The following RUBCNL variants were observed in gnomAD, a reference collection of about 807,000 sequenced individuals.
RUBCNL encodes the protein rubicon like autophagy enhancer.
Under a neutral mutation model 69.5 loss-of-function variants are expected in RUBCNL, and 62 were observed. The ratio of observed to expected loss-of-function variants is 0.89; its 90% CI spans 0.73 to 1.10. RUBCNL has a LOEUF of 1.10. RUBCNL is among the 50% of genes least tolerant of loss of function. The probability of loss-of-function intolerance (pLI) is 0.00; values close to 1 mark genes in which losing one functional copy is unlikely to be tolerated. For synonymous variants in RUBCNL, 291 were observed against 303.6 expected (o/e 0.96, Z 0.43); for missense variants, 768 against 798.1 (o/e 0.96, Z 0.45).
intron 5 of RUBCNL, among the ~76,000 whole-genome samples, chr13:46,366,955 G>T (rs2048770416): frequency 6.6e-6 from 1 of 152,150 alleles, no homozygotes; most frequent in South Asian, 2.1e-4. Flanking sequence ...AGATGTCCAG[G>T]ACTGAAAACA....
At position 46,345,572 on chromosome 13, in the gene RUBCNL, C is replaced by T; in HGVS notation, c.1660G>A (p.Gly554Arg). 6.2e-7 allele frequency: 1 copy of T among 1,613,590 alleles called. No individual in the cohort carries two copies. The highest frequency in any genetic ancestry group is 8.5e-7 in the Non-Finnish European group (1 of 1,179,786). The change falls in exon 13 of 15, where the codon GGA (glycine) becomes AGA (arginine). Residue 554 changes from glycine to arginine, a missense_variant. Transcript: ENST00000429979. ...AGGTGGAGCTCATCAGTCAAGTGTC[C>T]CGGCACCTGCTCGAACTCCTTTAAT... ...SALKEFEQVPGHLTDELHLFS... is the reference protein window; with the variant it reads ...SALKEFEQVPRHLTDELHLFS...
chr13:46,362,962 A>ATATATATATATATATATATATC (rs2048663147), intron 6 of RUBCNL, among the ~76,000 whole-genome samples, 153 bp downstream of exon 6: 1 of 94,220 alleles, frequency 1.1e-5, no homozygotes, highest in Non-Finnish European at 2.0e-5. Flanking sequence ...ATATATATAT[A>ATATATATATATATATATATATC]TATATATATA....
Position 46,377,879 on chromosome 13 carries a change from C to A in RUBCNL, c.-123+11G>T. ...GCAGAGAGAAGACAAAAGGCCAGGT[C>A]GGACACTCACCAGGAGTATGAATTT... On this transcript the variant is annotated intron_variant, in intron 2 of 14. Transcript: ENST00000429979. The A allele has an allele frequency of 6.5e-7, 1 of 1,538,764 alleles. No homozygotes were observed. Among genetic ancestry groups the A allele is most frequent in the African/African-American group, 1.4e-5 (1 of 73,488 alleles).
intron 13 of RUBCNL, 105 bp downstream of exon 13, chr13:46,345,342 C>T (rs2048222591): frequency 2.2e-5 from 30 of 1,350,464 alleles, no homozygotes; most frequent in South Asian, 2.0e-4. Flanking sequence ...ACTAGGTCAC[C>T]GGCACTTCCC....
chr13:46,361,369 T>TA, intron 8 of RUBCNL, 72 bp downstream of exon 8: 1 of 1,533,452 alleles, frequency 6.5e-7, no homozygotes, highest in South Asian at 1.2e-5. Flanking sequence ...GACAAATGTT[T>TA]AAAGTGAACA....
intron 3 of RUBCNL, 134 bp downstream of exon 3, chr13:46,371,807 G>T (rs2048880613): frequency 6.8e-6 from 6 of 884,020 alleles, no homozygotes; most frequent in Non-Finnish European, 1.0e-5. Flanking sequence ...TGACCGCCCA[G>T]ATGGCTGGGC....
At position 46,335,883 on chromosome 13, in the gene RUBCNL, C is replaced by G. The variant is rs2048102213; in HGVS notation, c.*7502G>C. Among the ~76,000 whole-genome samples, 1 of 152,198 alleles carries G rather than the reference C, an allele frequency of 6.6e-6. No individual in the cohort carries two copies. Among genetic ancestry groups the G allele is most frequent in the African/African-American group, 2.4e-5 (1 of 41,450 alleles). ...ACAGCTATCAGTGGGCTGCTGAGTA[C>G]CAGCCTCTGGGCTGAAGCTACAAAT... On this transcript the variant is annotated 3_prime_UTR_variant, in exon 15 of 15. Coordinates refer to ENST00000429979, the MANE Select transcript of RUBCNL (RefSeq NM_025113.5).
Position 46,359,362 on chromosome 13 carries a change from T to C in RUBCNL, c.1265+124A>G, listed in dbSNP as rs1429590242. 1.4e-5 allele frequency: 11 copies of C among 791,158 alleles called. No individual in the cohort carries two copies. In the Admixed American group the frequency reaches 1.6e-4, roughly 11 times the overall value. The allele number at this position is 791,158 out of a possible 1,614,324, so 49.0% of individuals were successfully genotyped here. On this transcript the variant is annotated intron_variant, in intron 9 of 14. Transcript: ENST00000429979. ...AAAATACAGCCAACTTTCCTTTCCCTAAAACAAATTTTCCTGTGTTCTTTA... is the reference window on the plus strand; with the variant it reads ...AAAATACAGCCAACTTTCCTTTCCCCAAAACAAATTTTCCTGTGTTCTTTA...
rs369070270 is a variant in RUBCNL at position 46,335,732 on chromosome 13, T to C, written c.*7653A>G. Among the ~76,000 whole-genome samples, 338 of 152,306 alleles carry C rather than the reference T, an allele frequency of 2.2e-3. 4 individuals are homozygous for C. Among genetic ancestry groups the C allele is most frequent in the South Asian group, 0.012 (56 of 4,826 alleles). ...AGGTAGAGCTGACAGAAGTTACTGATGGACTGGATCTGGGGAGTGAGGGAA... is the reference window on the plus strand; with the variant it reads ...AGGTAGAGCTGACAGAAGTTACTGACGGACTGGATCTGGGGAGTGAGGGAA... On this transcript the variant is annotated 3_prime_UTR_variant, in exon 15 of 15. Coordinates refer to ENST00000429979, the MANE Select transcript of RUBCNL (RefSeq NM_025113.5).
intron 1 of RUBCNL, among the ~76,000 whole-genome samples, chr13:46,380,833 C>A (rs1335059460): frequency 6.6e-6 from 1 of 152,088 alleles, no homozygotes; most frequent in African/African-American, 2.4e-5. Flanking sequence ...TAAATGCCCT[C>A]CACTTTGGGG....
At chr13:46,367,724 C>T (rs886448585) in intron 5 of RUBCNL, among the ~76,000 whole-genome samples, 6 of 152,222 alleles carry the variant, frequency 3.9e-5, no homozygotes, top group African/African-American at 1.4e-4. Flanking sequence ...CAGAAATGAA[C>T]AATTCTTAAG....
intron 3 of RUBCNL, among the ~76,000 whole-genome samples, chr13:46,369,868 A>G (rs2048840130): frequency 6.6e-6 from 1 of 152,244 alleles, no homozygotes; most frequent in African/African-American, 2.4e-5. Context: ...CATGTTCAAG[A>G]AAGTAGTTGT....
intron 10 of RUBCNL, among the ~76,000 whole-genome samples, chr13:46,352,315 C>T (rs569656711): frequency 5.4e-4 from 83 of 152,354 alleles, no homozygotes; most frequent in African/African-American, 2.0e-3. Flanking sequence ...TAGGTTCTGA[C>T]ATGAACCAAG....
In RUBCNL at chr13:46,350,294, C is replaced by T; in HGVS notation, c.1388G>A (p.Cys463Tyr). Residue 463 changes from cysteine (C) to tyrosine (Y), a missense_variant, in exon 11 of 15, where the codon TGC becomes TAC. Cys to Tyr is a radical substitution (Grantham distance 194). Coordinates refer to ENST00000429979, the MANE Select transcript of RUBCNL (RefSeq NM_025113.5). ...EYLGKYFCDCCHSYAESCIPA... is the reference protein window; with the variant it reads ...EYLGKYFCDCYHSYAESCIPA... ...GATGCACGACTCTGCATATGAGTGG[C>T]AGCAGTCACAGAAATACTTCCCTAG... The T allele has an allele frequency of 6.3e-7, 1 of 1,577,440 alleles. No homozygotes were observed. The highest frequency in any genetic ancestry group is 8.6e-7 in the Non-Finnish European group (1 of 1,160,560).
rs1212868813 is a variant in RUBCNL, at chr13:46,387,176, C to G, written c.-281G>C. On this transcript the variant is annotated 5_prime_UTR_variant, in exon 1 of 15. Coordinates refer to ENST00000429979, the MANE Select transcript of RUBCNL (RefSeq NM_025113.5). The stretch of plus-strand genomic sequence containing the variant: ...GTGGAACGCTGCGCTGGGTAAACGC[C>G]GCGCGTCGGGTCCTCCCTCGCGCGG... The G allele has an allele frequency of 2.0e-6, 2 of 985,292 alleles. No individual in the cohort carries two copies. The highest frequency in any genetic ancestry group is 3.5e-5 in the African/African-American group (2 of 57,238). 61.0% of individuals were successfully genotyped at this position (985,292 alleles called of 1,614,324 possible).
At chr13:46,346,788 AT>A (rs2048255489) in intron 12 of RUBCNL, among the ~76,000 whole-genome samples, 2 of 152,210 alleles carry the variant, frequency 1.3e-5, no homozygotes, top group Non-Finnish European at 2.9e-5. Context: ...TAAACCATTT[AT>A]TTAAAAACTC....
chr13:46,385,055 G>A (rs577018698), intron 1 of RUBCNL, among the ~76,000 whole-genome samples: 2 of 152,260 alleles, frequency 1.3e-5, no homozygotes, highest in African/African-American at 4.8e-5. Context: ...ACGCCAATCT[G>A]AGAAAAATGA....
At chr13:46,372,891 A>C (rs2048909966) in intron 2 of RUBCNL, among the ~76,000 whole-genome samples, 1 of 152,210 alleles carries the variant, frequency 6.6e-6, no homozygotes, top group Non-Finnish European at 1.5e-5. Flanking sequence ...TCCATGCATC[A>C]AAATTATTTT....
rs527781715 is a variant in RUBCNL at position 46,335,167 on chromosome 13, C to A, written c.*8218G>T. ...ACAGCCTCAAACTCCTGGGCTCGAT[C>A]GATCCTCCCACCTCAGCCTCCTGGG... On this transcript the variant is annotated 3_prime_UTR_variant, in exon 15 of 15. Transcript: ENST00000429979. Among the ~76,000 whole-genome samples, 2 of 151,362 alleles carry A rather than the reference C, an allele frequency of 1.3e-5. No homozygotes were observed. The highest frequency in any genetic ancestry group is 4.2e-4 in the South Asian group (2 of 4,754).
Sources: allele counts gnomAD v4.1 joint callset (sites outside exome capture counted in the v4.1 genomes callset), GRCh38; gene constraint gnomAD v4.1.1; transcripts MANE v1.5; gene names NCBI Gene and HGNC (gene_info 2026-07-23, HGNC 2026-07-21).